HPSE2: variants seen among roughly 807,000 people sequenced by gnomAD.
HPSE2 encodes the protein inactive heparanase-2.
HPSE2 carries 38 observed loss-of-function variants against 60.5 expected under a neutral mutation model. The ratio of observed to expected loss-of-function variants is 0.63; its 90% CI spans 0.48 to 0.82. The LOEUF (loss-of-function observed/expected upper bound fraction) is 0.82, where lower values mean the gene tolerates loss of function less well. HPSE2 is among the 40% of genes least tolerant of loss of function. The pLI, the probability that HPSE2 is intolerant of heterozygous loss-of-function variation, is 0.00. For synonymous variants in HPSE2, 295 were observed against 293.2 expected, an observed-to-expected ratio of 1.01 and a Z score of -0.06; for missense variants, 713 against 740.4, an observed-to-expected ratio of 0.96 and a Z score of 0.43.
At chr10:99,016,756 G>C (rs565502288) in intron 3 of HPSE2, among the ~76,000 whole-genome samples, 3 of 152,074 alleles carry the variant, frequency 2.0e-5, no homozygotes, top group African/African-American at 7.2e-5. Flanking sequence ...TCCCTAGTTA[G>C]CTGCATTCTT....
chr10:99,001,057 C>A (rs1393538854), intron 3 of HPSE2, among the ~76,000 whole-genome samples: 5 of 152,034 alleles, frequency 3.3e-5, no homozygotes, highest in Admixed American at 2.6e-4. Context: ...AATGTTGTCT[C>A]TTTGGGATTT....
chr10:98,791,170 A>G (rs1267927090), intron 3 of HPSE2, among the ~76,000 whole-genome samples: 1 of 152,216 alleles, frequency 6.6e-6, no homozygotes, highest in East Asian at 1.9e-4. Flanking sequence ...CCCACAACTT[A>G]TCATTGTTTT....
Position 98,744,050 on chromosome 10 carries a change from G to C in HPSE2, c.617C>G (p.Ser206Cys). The C allele has an allele frequency of 6.2e-7, 1 of 1,613,908 alleles. No homozygotes were observed. The change falls in exon 4 of 12, where the codon TCT (serine) becomes TGT (cysteine). Residue 206 changes from serine to cysteine, a missense_variant. Coordinates refer to ENST00000370552, the MANE Select transcript of HPSE2 (RefSeq NM_021828.5). ...AGCAAAGTTATAAAGTTTGTCTAGAGACCTGGCTGGGAAGAAGCAGAGAAA... is the reference window on the plus strand; with the variant it reads ...AGCAAAGTTATAAAGTTTGTCTAGACACCTGGCTGGGAAGAAGCAGAGAAA... ...TYSNLILTAR[S>C]LDKLYNFADC...
chr10:99,028,816 C>G (rs934871062), intron 3 of HPSE2, among the ~76,000 whole-genome samples: 2 of 152,056 alleles, frequency 1.3e-5, no homozygotes, highest in Non-Finnish European at 2.9e-5. Flanking sequence ...GAATGGAGAA[C>G]CCAGAAACAA....
At chr10:98,497,079 TTG>T (rs1941867446) in intron 9 of HPSE2, among the ~76,000 whole-genome samples, 1 of 152,124 alleles carries the variant, frequency 6.6e-6, no homozygotes, top group African/African-American at 2.4e-5. Context: ...ACTATTAAGT[TTG>T]CTATTTTTTA....
intron 4 of HPSE2, among the ~76,000 whole-genome samples, chr10:98,726,489 GC>G (rs549388690): frequency 0.014 from 1,826 of 134,496 alleles, 28 homozygotes; most frequent in African/African-American, 0.026. Context: ...CTGTTGTGGG[GC>G]AGGGGGAGGG....
At chr10:98,782,912 A>AT (rs1039514719) in intron 3 of HPSE2, among the ~76,000 whole-genome samples, 152 of 41,092 alleles carry the variant, frequency 3.7e-3, no homozygotes, top group Non-Finnish European at 6.9e-3. Context: ...CTGTTTGTTT[A>AT]TTTTTTTTTT....
intron 3 of HPSE2, among the ~76,000 whole-genome samples, chr10:99,064,919 C>A (rs370628345): frequency 6.6e-6 from 1 of 151,944 alleles, no homozygotes; most frequent in Non-Finnish European, 1.5e-5. Flanking sequence ...AGAAACAATA[C>A]AATCAGAAAA....
intron 9 of HPSE2, among the ~76,000 whole-genome samples, chr10:98,501,665 C>A (rs1420003851): frequency 6.6e-6 from 1 of 152,182 alleles, no homozygotes; most frequent in Non-Finnish European, 1.5e-5. Context: ...ACTCTCCTCA[C>A]TCCTCTTCAA....
chr10:98,482,585 C>G, intron 11 of HPSE2, 51 bp downstream of exon 11: 4 of 1,611,656 alleles, frequency 2.5e-6, no homozygotes, highest in Non-Finnish European at 3.4e-6. Context: ...CCTCCCCCTC[C>G]CTCAGCTCCT....
chr10:98,717,715 T>C (rs760469094), intron 5 of HPSE2, among the ~76,000 whole-genome samples: 11 of 152,034 alleles, frequency 7.2e-5, no homozygotes, highest in Non-Finnish European at 1.3e-4. Context: ...CAAAGATCAT[T>C]GATTACAGAT....
At chr10:98,564,685 C>A (rs1209224622) in intron 9 of HPSE2, among the ~76,000 whole-genome samples, 1 of 152,156 alleles carries the variant, frequency 6.6e-6, no homozygotes, top group Non-Finnish European at 1.5e-5. Context: ...CAGGGCAAGG[C>A]AGTTTAGTTA....
intron 3 of HPSE2, among the ~76,000 whole-genome samples, chr10:98,905,294 A>T (rs371839365): frequency 9.9e-5 from 15 of 151,040 alleles, no homozygotes; most frequent in African/African-American, 3.4e-4. Flanking sequence ...ATATCTCCCA[A>T]TGCTATCCCT....
intron 3 of HPSE2, among the ~76,000 whole-genome samples, chr10:99,065,920 T>C (rs570043303): frequency 7.7e-4 from 117 of 152,248 alleles, no homozygotes; most frequent in Middle Eastern, 3.4e-3. Flanking sequence ...CTTCTTCACC[T>C]CTCTTCAGCT....
intron 7 of HPSE2, among the ~76,000 whole-genome samples, chr10:98,625,690 A>G (rs982024000): frequency 6.6e-6 from 1 of 152,236 alleles, no homozygotes; most frequent in African/African-American, 2.4e-5. Context: ...TGATACTAAT[A>G]AGAATTAAGT....
At chr10:98,918,471 C>T (rs1954186460) in intron 3 of HPSE2, among the ~76,000 whole-genome samples, 2 of 151,214 alleles carry the variant, frequency 1.3e-5, no homozygotes, top group African/African-American at 4.9e-5. Flanking sequence ...AAATGTGGCA[C>T]ATATACACCA....
chr10:98,684,834 C>T lies in HPSE2; in HGVS notation c.1004+9066G>A, dbSNP rs116505526. ...AAGCTCATTACCAAAAAAAAGGAAG[C>T]TACAGAAAAGTAAAAATAAGAAAAA... On this transcript the variant is annotated intron_variant, in intron 6 of 11. Transcript: ENST00000370552. Among the ~76,000 whole-genome samples, 784 of 152,060 alleles carry T rather than the reference C, an allele frequency of 5.2e-3. 7 individuals are homozygous for T. The highest frequency in any genetic ancestry group is 0.017 in the African/African-American group (723 of 41,504).
rs1847220179 is a variant in HPSE2 at position 99,169,458 on chromosome 10, T to C, written c.449-25059A>G. ...AGGTGGAGGTTGCAGTGAGCCAAGATGGCACCACTGCACTCCAGCCTGGGT... is the reference window on the plus strand; with the variant it reads ...AGGTGGAGGTTGCAGTGAGCCAAGACGGCACCACTGCACTCCAGCCTGGGT... On this transcript the variant is annotated intron_variant, in intron 2 of 11. Coordinates refer to ENST00000370552, the MANE Select transcript of HPSE2 (RefSeq NM_021828.5). Among the ~76,000 whole-genome samples, 6 of 115,870 alleles carry C rather than the reference T, an allele frequency of 5.2e-5. No individual in the cohort carries two copies. In the Admixed American group the frequency reaches 6.6e-4, roughly 13 times the overall value. The allele number at this position is 115,870 out of a possible 152,430, so 76.0% of individuals were successfully genotyped here.
chr10:98,694,893 T>G (rs1229251350), intron 5 of HPSE2, among the ~76,000 whole-genome samples: 1 of 152,218 alleles, frequency 6.6e-6, no homozygotes, highest in Non-Finnish European at 1.5e-5. Flanking sequence ...GACACCCTGG[T>G]GGGGAACTTT....
Sources: allele counts gnomAD v4.1 joint callset (sites outside exome capture counted in the v4.1 genomes callset), GRCh38; gene constraint gnomAD v4.1.1; transcripts MANE v1.5; gene names NCBI Gene and HGNC (gene_info 2026-07-23, HGNC 2026-07-21).